CFAP54: variants seen among roughly 807,000 people sequenced by gnomAD.
The protein encoded by CFAP54 is cilia and flagella associated protein 54.
CFAP54 carries 290 observed loss-of-function variants against 370.4 expected under a neutral mutation model. That is an observed-to-expected ratio of 0.78 (90% CI 0.71 to 0.86). The LOEUF is 0.86. Ranked by LOEUF, CFAP54 falls within the 40% of genes least tolerant of loss-of-function variation. The pLI, the probability that CFAP54 is intolerant of heterozygous loss-of-function variation, is 0.00. For synonymous variants in CFAP54, 1,206 were observed against 1,236.5 expected (o/e 0.98, Z 0.52); for missense variants, 3,399 against 3,528.7 (o/e 0.96, Z 0.93).
At chr12:96,692,878 C>G (rs1287163895) in intron 44 of CFAP54, among the ~76,000 whole-genome samples, 2 of 152,194 alleles carry the variant, frequency 1.3e-5, no homozygotes, top group East Asian at 3.8e-4. Flanking sequence ...AATCTCCCTT[C>G]CACTCCATCT....
intron 66 of CFAP54, among the ~76,000 whole-genome samples, chr12:96,834,168 T>C (rs1959178952): frequency 4.6e-5 from 7 of 152,280 alleles, no homozygotes; most frequent in African/African-American, 1.4e-4. Context: ...GTTGAAAGTG[T>C]AGATTAGTCT....
chr12:96,657,835 G>A, intron 36 of CFAP54, 47 bp from the exon 37 acceptor site: 1 of 1,314,632 alleles, frequency 7.6e-7, no homozygotes, highest in Non-Finnish European at 1.0e-6. Context: ...AAAATATGCA[G>A]TAAAATCTGA....
At chr12:96,655,815 G>A (rs1226685768) in intron 36 of CFAP54, among the ~76,000 whole-genome samples, 1 of 152,042 alleles carries the variant, frequency 6.6e-6, no homozygotes, top group Non-Finnish European at 1.5e-5. Context: ...TAAGGGAAAT[G>A]TAAACACTCT....
intron 43 of CFAP54, among the ~76,000 whole-genome samples, 190 bp from the exon 44 acceptor site, chr12:96,690,938 T>C (rs1957381292): frequency 6.6e-6 from 1 of 152,118 alleles, no homozygotes; most frequent in Non-Finnish European, 1.5e-5. Flanking sequence ...AAAAAGCCCA[T>C]CTGGAGTGAT....
intron 26 of CFAP54, among the ~76,000 whole-genome samples, chr12:96,602,347 A>C (rs11519687): frequency 0.017 from 2,628 of 152,200 alleles, 37 homozygotes; most frequent in Non-Finnish European, 0.027. Flanking sequence ...CTGTTCTTTT[A>C]CATTTGCTGA....
At chr12:96,500,264 A>T (rs1206989038) in intron 1 of CFAP54, among the ~76,000 whole-genome samples, 1 of 152,236 alleles carries the variant, frequency 6.6e-6, no homozygotes, top group Non-Finnish European at 1.5e-5. Context: ...CTATGGAGAC[A>T]GTAAAAATAT....
intron 12 of CFAP54, among the ~76,000 whole-genome samples, chr12:96,536,888 C>T (rs915320211): frequency 2.6e-5 from 4 of 151,974 alleles, no homozygotes; most frequent in Non-Finnish European, 4.4e-5. Context: ...AGCCTCCCAA[C>T]GTGCTGGGAT....
chr12:96,839,806 A>T (rs976925345), intron 66 of CFAP54, among the ~76,000 whole-genome samples: 14 of 152,122 alleles, frequency 9.2e-5, no homozygotes, highest in African/African-American at 3.4e-4. Flanking sequence ...GTCAGCCATC[A>T]GCTGTTGGTT....
chr12:96,637,253 T>C (rs1956672597), intron 32 of CFAP54, among the ~76,000 whole-genome samples: 1 of 152,212 alleles, frequency 6.6e-6, no homozygotes, highest in Non-Finnish European at 1.5e-5. Context: ...TGCATAATAT[T>C]TCATGGTATG....
At chr12:96,625,452 G>C (rs1488186623) in intron 28 of CFAP54, among the ~76,000 whole-genome samples, 1 of 152,150 alleles carries the variant, frequency 6.6e-6, no homozygotes, top group African/African-American at 2.4e-5. Flanking sequence ...TTGAAAAAAA[G>C]AGAATCATGC....
intron 50 of CFAP54, among the ~76,000 whole-genome samples, chr12:96,722,155 C>G (rs972787933): frequency 6.6e-6 from 1 of 152,190 alleles, no homozygotes; most frequent in South Asian, 2.1e-4. Context: ...CATAAAACTC[C>G]AAGCCAGTCT....
At chr12:96,823,945 G>C (rs537764605) in intron 65 of CFAP54, among the ~76,000 whole-genome samples, 106 of 152,192 alleles carry the variant, frequency 7.0e-4, no homozygotes, top group Non-Finnish European at 1.1e-3. Flanking sequence ...AGCAACTTAG[G>C]AAGTTTTTTC....
At chr12:96,556,523 A>G (rs929850380) in intron 17 of CFAP54, among the ~76,000 whole-genome samples, 7 of 152,162 alleles carry the variant, frequency 4.6e-5, no homozygotes, top group African/African-American at 1.7e-4. Context: ...GAAACAACAC[A>G]AATATGTTAT....
At chr12:96,726,708 CT>C (rs1395138405) in intron 50 of CFAP54, among the ~76,000 whole-genome samples, 2 of 151,958 alleles carry the variant, frequency 1.3e-5, no homozygotes, top group African/African-American at 2.4e-5. Context: ...TATTTCTTGC[CT>C]TCTGCTAGCT....
chr12:96,541,545 C>G (rs1321783952), intron 14 of CFAP54, among the ~76,000 whole-genome samples: 1 of 152,162 alleles, frequency 6.6e-6, no homozygotes, highest in Non-Finnish European at 1.5e-5. Flanking sequence ...CCTGGCCTCC[C>G]AAAGGGCTGG....
At chr12:96,707,264 T>C (rs1957556883) in intron 47 of CFAP54, among the ~76,000 whole-genome samples, 1 of 59,592 alleles carries the variant, frequency 1.7e-5, no homozygotes, top group Non-Finnish European at 4.0e-5. Context: ...TTAACTTGAA[T>C]TTTTTTTTTC....
Position 96,704,739 on chromosome 12 carries a change from A to T in CFAP54, c.6475-4A>T. Reference sequence around the variant, plus strand: ...CTTGCTGTTACTATTTTGTATTTTGACAGATCTTTCAATCATTTGACTCAG... The same window carrying T: ...CTTGCTGTTACTATTTTGTATTTTGTCAGATCTTTCAATCATTTGACTCAG... On this transcript the variant is annotated splice_region_variant and splice_polypyrimidine_tract_variant and intron_variant, in intron 46 of 67. Transcript: ENST00000524981. 1 of 1,230,668 alleles carries T rather than the reference A, an allele frequency of 8.1e-7. No individual in the cohort carries two copies. The highest frequency in any genetic ancestry group is 1.1e-6 in the Non-Finnish European group (1 of 888,410). 76.2% of individuals were successfully genotyped at this position (1,230,668 alleles called of 1,614,324 possible).
At chr12:96,684,772 T>A (rs1377920819) in intron 41 of CFAP54, 37 bp downstream of exon 41, 3 of 1,495,548 alleles carry the variant, frequency 2.0e-6, no homozygotes, top group Non-Finnish European at 2.7e-6. Flanking sequence ...AGGGCAAAGG[T>A]TTTTTATTTG....
intron 50 of CFAP54, among the ~76,000 whole-genome samples, chr12:96,738,251 G>C (rs1958004523): frequency 6.6e-6 from 1 of 152,188 alleles, no homozygotes; most frequent in South Asian, 2.1e-4. Flanking sequence ...GGAGGACACG[G>C]ATGAGGAGTG....
Sources: allele counts gnomAD v4.1 joint callset (sites outside exome capture counted in the v4.1 genomes callset), GRCh38; gene constraint gnomAD v4.1.1; transcripts MANE v1.5; gene names NCBI Gene and HGNC (gene_info 2026-07-23, HGNC 2026-07-21).